The following RPS6KA6 variants were observed in gnomAD, a reference collection of about 807,000 sequenced individuals.
RPS6KA6 encodes ribosomal protein S6 kinase alpha-6.
Under a neutral mutation model 65.4 loss-of-function variants are expected in RPS6KA6, and 27 were observed. That is an observed-to-expected ratio of 0.41 (90% CI 0.30 to 0.57). RPS6KA6 has a LOEUF of 0.57. Ranked by LOEUF, RPS6KA6 falls within the 20% of genes least tolerant of loss-of-function variation. RPS6KA6 has a pLI of 0.24. For missense variants in RPS6KA6, 486 were observed against 555.6 expected (o/e 0.87, Z 1.26); for synonymous variants, 190 against 184.2 (o/e 1.03, Z -0.26).
Position 84,104,642 on chromosome X carries a change from T to C in RPS6KA6, c.1471A>G (p.Arg491Gly). 8.8e-7 allele frequency: 1 copy of C among 1,134,826 alleles called. No homozygotes were observed. The highest frequency in any genetic ancestry group is 1.2e-6 in the Non-Finnish European group (1 of 851,609). 93.5% of individuals were successfully genotyped at this position (1,134,826 alleles called of 1,213,427 possible). A position where few individuals can be genotyped will look rare whatever the true frequency, so the allele number is the denominator to read the frequency against. The change falls in exon 17 of 22, where the codon AGA becomes GGA. Residue 491 changes from arginine (R) to glycine (G), a missense_variant. Transcript: ENST00000262752. ...AAATCCGTAACAAGGTAAACATATC[T>C]ACCATCATCAAAGACCTACAAAAGA... ...ITLKDVFDDG[R>G]YVYLVTDLMK...
At chrX:84,074,676 AAAAC>A (rs1214175991) in intron 20 of RPS6KA6, among the ~76,000 whole-genome samples, 1 of 111,732 alleles carries the variant, frequency 8.9e-6, no homozygotes, top group African/African-American at 3.3e-5. Context: ...AATCTTAAGA[AAAAC>A]AAATTTGACA....
chrX:84,097,901 T>A, intron 18 of RPS6KA6, 53 bp from the exon 19 acceptor site: 1 of 883,402 alleles, frequency 1.1e-6, no homozygotes, highest in Non-Finnish European at 1.6e-6. Context: ...CTCAATTTTC[T>A]CCCAAAGAAG....
chrX:84,087,994 C>T (rs953300441), intron 20 of RPS6KA6, among the ~76,000 whole-genome samples: 1 of 111,957 alleles, frequency 8.9e-6, no homozygotes, highest in African/African-American at 3.3e-5. Flanking sequence ...TTTTTCAGCT[C>T]CATCAGGTCA....
At chrX:84,170,692 C>A (rs1200355491) in intron 1 of RPS6KA6, among the ~76,000 whole-genome samples, 2 of 110,541 alleles carry the variant, frequency 1.8e-5, no homozygotes, top group African/African-American at 3.3e-5. Context: ...AAGCCCAGGA[C>A]AAAATAAAAC....
chrX:84,091,069 A>G (rs2034035022), intron 20 of RPS6KA6, among the ~76,000 whole-genome samples: 1 of 112,218 alleles, frequency 8.9e-6, no homozygotes, highest in African/African-American at 3.2e-5. Context: ...GTTAAATTCT[A>G]TATGCCTTGG....
intron 9 of RPS6KA6, among the ~76,000 whole-genome samples, chrX:84,117,690 C>G (rs1256555522): frequency 9.0e-6 from 1 of 111,196 alleles, no homozygotes; most frequent in Admixed American, 9.6e-5. Context: ...ATGAAACCAA[C>G]CAATTCTTCC....
chrX:84,119,859 T>A (rs2034636890), intron 9 of RPS6KA6, 26 bp downstream of exon 9: 17 of 1,108,534 alleles, frequency 1.5e-5, no homozygotes, highest in South Asian at 2.5e-5. Context: ...CAGGTTGGCA[T>A]AATTAAAACA....
chrX:84,178,328 G>A lies in RPS6KA6; in HGVS notation c.81+9491C>T, dbSNP rs1051551160. On this transcript the variant is annotated intron_variant, in intron 1 of 21. Coordinates refer to ENST00000262752, the MANE Select transcript of RPS6KA6 (RefSeq NM_014496.5). ...TATGGGGGAGGAGATAAGCAGAGAA[G>A]TATCACTGCAGAATGAGAAAGTTCA... 6.3e-5 allele frequency among the ~76,000 whole-genome samples: 7 copies of A among 111,645 alleles called. No individual in the cohort carries two copies. In the East Asian group the frequency reaches 2.0e-3, roughly 31 times the overall value.
chrX:84,126,468 A>G (rs6616901), intron 8 of RPS6KA6, among the ~76,000 whole-genome samples: 6,903 of 111,339 alleles, frequency 0.062, 230 homozygotes, highest in East Asian at 0.2. Context: ...TGAAATATCG[A>G]ACTTAATCTG....
At chrX:84,186,835 G>A (rs998576957) in intron 1 of RPS6KA6, 1 of 111,381 alleles carries the variant, frequency 9.0e-6, no homozygotes, top group African/African-American at 3.3e-5. Flanking sequence ...TACTGGAGTA[G>A]TACGCAGTCG....
chrX:84,145,464 G>C lies in RPS6KA6; in HGVS notation c.501+14C>G. On this transcript the variant is annotated intron_variant, in intron 6 of 21. Coordinates refer to ENST00000262752, the MANE Select transcript of RPS6KA6 (RefSeq NM_014496.5). The stretch of plus-strand genomic sequence containing the variant: ...TGTTTTAAGAAAATACAGTAAAAAT[G>C]TACAGATACTTACCTCTTTGGATAA... 1 of 1,039,274 alleles carries C rather than the reference G, an allele frequency of 9.6e-7. No homozygotes were observed. Among genetic ancestry groups the C allele is most frequent in the Non-Finnish European group, 1.3e-6 (1 of 762,705 alleles). The allele number at this position is 1,039,274 out of a possible 1,213,427, so 85.6% of individuals were successfully genotyped here. A position where few individuals can be genotyped will look rare whatever the true frequency, so the allele number is the denominator to read the frequency against.
At chrX:84,087,428 G>C in intron 20 of RPS6KA6, among the ~76,000 whole-genome samples, 1 of 111,426 alleles carries the variant, frequency 9.0e-6, no homozygotes, top group Non-Finnish European at 1.9e-5. Context: ...ATTTTGCCCA[G>C]GTATGAAATT....
Position 84,065,972 on chromosome X carries a change from C to T in RPS6KA6, c.1972-861G>A, listed in dbSNP as rs771406142. ...GTGGGTCCAACTCACGGAGGGTGAG[C>T]AGAAGTAGGGTGGGGCATCGCCCAA... On this transcript the variant is annotated intron_variant, in intron 20 of 21. Coordinates refer to ENST00000262752, the MANE Select transcript of RPS6KA6 (RefSeq NM_014496.5). Among the ~76,000 whole-genome samples, 5 of 110,933 alleles carry T rather than the reference C, an allele frequency of 4.5e-5. No individual in the cohort carries two copies. In the South Asian group the frequency reaches 1.2e-3, roughly 26 times the overall value.
At chrX:84,168,140 C>G (rs2147617395) in intron 1 of RPS6KA6, among the ~76,000 whole-genome samples, 1 of 110,794 alleles carries the variant, frequency 9.0e-6, no homozygotes, top group Non-Finnish European at 1.9e-5. Context: ...TTCTGTAATA[C>G]CATACACTCC....
chrX:84,130,723 C>T (rs2034881209), intron 8 of RPS6KA6, among the ~76,000 whole-genome samples: 1 of 110,955 alleles, frequency 9.0e-6, no homozygotes, highest in African/African-American at 3.3e-5. Flanking sequence ...TCTCAAATGC[C>T]CTATGCTAAT....
chrX:84,188,050 C>A lies in RPS6KA6; in HGVS notation c.-151G>T. 1.8e-5 allele frequency: 3 copies of A among 168,127 alleles called. No individual in the cohort carries two copies. The highest frequency in any genetic ancestry group is 2.9e-5 in the Non-Finnish European group (3 of 102,517). 13.9% of individuals were successfully genotyped at this position (168,127 alleles called of 1,213,427 possible). On this transcript the variant is annotated 5_prime_UTR_variant, in exon 1 of 22. Transcript: ENST00000262752. ...CTTCAGCGAGCGCTGCCCTCGCCGC[C>A]GGGTCTCTCAGAGGCTGGGAGCTGG...
intron 8 of RPS6KA6, among the ~76,000 whole-genome samples, chrX:84,124,739 G>A (rs1307530486): frequency 9.0e-6 from 1 of 111,496 alleles, no homozygotes; most frequent in Non-Finnish European, 1.9e-5. Context: ...GATAAGAAGT[G>A]TATTCAAAGG....
chrX:84,173,330 CTACTTT>C (rs2035715538), intron 1 of RPS6KA6, among the ~76,000 whole-genome samples: 1 of 110,644 alleles, frequency 9.0e-6, no homozygotes, highest in Admixed American at 9.7e-5. Context: ...CTCTAAAGCT[CTACTTT>C]TACTGCCTTT....
In RPS6KA6 at chrX:84,064,878, A is replaced by C; in HGVS notation, c.2112+93T>G. 3 of 618,040 alleles carry C rather than the reference A, an allele frequency of 4.9e-6. No homozygotes were observed. The South Asian group carries it at 1.3e-4, about 27-fold the overall frequency. 50.9% of individuals were successfully genotyped at this position (618,040 alleles called of 1,213,427 possible). Reference sequence around the variant, plus strand: ...TATCTTTAAAAAATAAAGATATTTTAAGGAATTATTTAAGTGTCATCAGCA... The same window carrying C: ...TATCTTTAAAAAATAAAGATATTTTCAGGAATTATTTAAGTGTCATCAGCA... On this transcript the variant is annotated intron_variant, in intron 21 of 21. Coordinates refer to ENST00000262752, the MANE Select transcript of RPS6KA6 (RefSeq NM_014496.5).
Sources: gnomAD v4.1 joint callset for allele counts (sites outside exome capture counted in the v4.1 genomes callset) on GRCh38, gnomAD v4.1.1 for gene constraint, MANE v1.5 for transcripts, NCBI Gene and HGNC (gene_info 2026-07-23, HGNC 2026-07-21) for gene names.